Variants in UACA observed in about 807,000 individuals in gnomAD.
UACA encodes the protein nuclear membrane binding protein.
In UACA, 112 loss-of-function variants were observed where a neutral mutation model predicts 160.5. The ratio of observed to expected loss-of-function variants is 0.70; its 90% CI spans 0.60 to 0.82. UACA has a LOEUF of 0.82. Ranked by LOEUF, UACA falls within the 40% of genes least tolerant of loss-of-function variation. The pLI is 0.00. For missense variants in UACA, 1,574 were observed against 1,614.6 expected, an observed-to-expected ratio of 0.97 and a Z score of 0.43; for synonymous variants, 557 against 568.4, an observed-to-expected ratio of 0.98 and a Z score of 0.29.
intron 18 of UACA, 113 bp downstream of exon 18, chr15:70,660,038 C>T (rs1896647200): frequency 1.3e-6 from 1 of 786,828 alleles, no homozygotes; most frequent in Non-Finnish European, 2.0e-6. Context: ...TTTAAATAAG[C>T]ATAGGGGGTG....
intron 18 of UACA, among the ~76,000 whole-genome samples, chr15:70,659,909 T>C (rs1896642102): frequency 6.6e-6 from 1 of 152,088 alleles, no homozygotes; most frequent in Non-Finnish European, 1.5e-5. Context: ...CCAAACTGTC[T>C]ATAAACTGAG....
At position 70,694,920 on chromosome 15, in the gene UACA, C is replaced by T. The variant is rs1898073540; in HGVS notation, c.301+97G>A. 6.0e-6 allele frequency: 6 copies of T among 992,010 alleles called. No homozygotes were observed. The African/African-American group carries it at 8.1e-5, about 13-fold the overall frequency. 61.5% of individuals were successfully genotyped at this position (992,010 alleles called of 1,614,324 possible). On this transcript the variant is annotated intron_variant, in intron 3 of 18. Coordinates refer to ENST00000322954, the MANE Select transcript of UACA (RefSeq NM_018003.4). Reference sequence around the variant, plus strand: ...TAAAAACAGAAAATTGAGGACATCTCTCTTTATATCACATTTAGGTCTGAA... The same window carrying T: ...TAAAAACAGAAAATTGAGGACATCTTTCTTTATATCACATTTAGGTCTGAA...
At chr15:70,705,543 AT>A (rs1430639999) in intron 1 of UACA, among the ~76,000 whole-genome samples, 1 of 152,168 alleles carries the variant, frequency 6.6e-6, no homozygotes, top group Non-Finnish European at 1.5e-5. Flanking sequence ...TCTCAAAAAA[AT>A]AAAATAAAAT....
chr15:70,676,879 T>C (rs1191546971), intron 12 of UACA, among the ~76,000 whole-genome samples: 2 of 152,186 alleles, frequency 1.3e-5, no homozygotes, highest in Non-Finnish European at 2.9e-5. Flanking sequence ...CAGGACAAGT[T>C]TCACAGAAAG....
rs2140869394 is a variant in UACA at position 70,654,725 on chromosome 15, TTC to T, written c.*2329_*2330del. 1 of 152,284 alleles carries T rather than the reference TTC, an allele frequency of 6.6e-6. No homozygotes were observed. The highest frequency in any genetic ancestry group is 1.9e-4 in the East Asian group (1 of 5,192). 9.4% of individuals were successfully genotyped at this position (152,284 alleles called of 1,614,324 possible). On this transcript the variant is annotated 3_prime_UTR_variant, in exon 19 of 19. Coordinates refer to ENST00000322954, the MANE Select transcript of UACA (RefSeq NM_018003.4). ...TTGCACTCCAATAGGAATTGAGTGA[TTC>T]TCTCAGAGAGCACTCATTACATCTT...
At chr15:70,677,277 ACAATT>A in intron 11 of UACA, 137 bp from the exon 12 acceptor site, 1 of 597,154 alleles carries the variant, frequency 1.7e-6, no homozygotes, top group South Asian at 2.4e-5. Context: ...AAAATTATGT[ACAATT>A]CTGTTGTATG....
intron 2 of UACA, 63 bp downstream of exon 2, chr15:70,699,464 C>A: frequency 6.5e-7 from 1 of 1,542,598 alleles, no homozygotes. Flanking sequence ...TCACAAGTTT[C>A]ATTTGTATCC....
In UACA at chr15:70,657,637, A is replaced by G. The variant is rs144057242; in HGVS notation, c.4180-510T>C. Among the ~76,000 whole-genome samples the G allele has an allele frequency of 5.0e-4, 76 of 152,166 alleles. 2 individuals are homozygous for G. The East Asian group carries it at 0.014, about 28-fold the overall frequency. ...GTGCACAACAGCTGCTCTAACTTCC[A>G]TTACCAGAAAACAAATGGATAAACC... On this transcript the variant is annotated intron_variant, in intron 18 of 18. Transcript: ENST00000322954.
Position 70,763,454 on chromosome 15 carries a change from T to C in UACA, c.-47A>G. 2 of 1,279,714 alleles carry C rather than the reference T, an allele frequency of 1.6e-6. No homozygotes were observed. Among genetic ancestry groups the C allele is most frequent in the Non-Finnish European group, 2.0e-6 (2 of 1,004,252 alleles). The allele number at this position is 1,279,714 out of a possible 1,614,324, so 79.3% of individuals were successfully genotyped here. On this transcript the variant is annotated 5_prime_UTR_variant, in exon 1 of 19. Coordinates refer to ENST00000322954, the MANE Select transcript of UACA (RefSeq NM_018003.4). ...CGCGCGAACCTTAAAGGCTGCGGAG[T>C]GCCAGCGCGCAAGGAGTAGACGGCA...
At chr15:70,715,474 GACTCTTCAAGT>G (rs1420699025) in intron 1 of UACA, among the ~76,000 whole-genome samples, 1 of 152,106 alleles carries the variant, frequency 6.6e-6, no homozygotes, top group African/African-American at 2.4e-5. Flanking sequence ...CAACTCAAAA[GACTCTTCAAGT>G]ACTAAACTGA....
intron 1 of UACA, among the ~76,000 whole-genome samples, chr15:70,743,960 G>A (rs1251544223): frequency 6.6e-6 from 1 of 151,990 alleles, no homozygotes; most frequent in African/African-American, 2.4e-5. Flanking sequence ...CAAAAACTAG[G>A]ACGGCAGGGC....
At chr15:70,657,271 A>C (rs1037652439) in intron 18 of UACA, 144 bp from the exon 19 acceptor site, 3 of 698,614 alleles carry the variant, frequency 4.3e-6, no homozygotes, top group Non-Finnish European at 7.4e-6. Context: ...TAAAGGAATT[A>C]CTGGAAAAGG....
At chr15:70,750,417 A>ATCC in intron 1 of UACA, among the ~76,000 whole-genome samples, 1 of 152,008 alleles carries the variant, frequency 6.6e-6, no homozygotes, top group South Asian at 2.1e-4. Context: ...TTGTTCTAGG[A>ATCC]TCCTCCCTTG....
chr15:70,708,715 C>G (rs1388835920), intron 1 of UACA, among the ~76,000 whole-genome samples: 1 of 152,182 alleles, frequency 6.6e-6, no homozygotes, highest in African/African-American at 2.4e-5. Context: ...AAGTGATCTG[C>G]CCACGTCGGC....
At chr15:70,754,500 TA>T (rs766652085) in intron 1 of UACA, among the ~76,000 whole-genome samples, 8 of 152,144 alleles carry the variant, frequency 5.3e-5, no homozygotes, top group Admixed American at 1.3e-4. Flanking sequence ...TTGTGTAGGT[TA>T]GGTGTCTTAA....
At chr15:70,728,490 G>A (rs1271489062) in intron 1 of UACA, among the ~76,000 whole-genome samples, 6 of 151,188 alleles carry the variant, frequency 4.0e-5, no homozygotes, top group Non-Finnish European at 7.4e-5. Context: ...TTGAACCCAG[G>A]AGGCGGAGGT....
chr15:70,700,301 G>GTATATA (rs142277997), intron 1 of UACA, among the ~76,000 whole-genome samples: 3 of 129,872 alleles, frequency 2.3e-5, no homozygotes, highest in South Asian at 2.3e-4. Context: ...GAGGCAAATT[G>GTATATA]TATATATATA....
At chr15:70,769,389 G>A in the UACA span, among the ~76,000 whole-genome samples, 452 of 150,718 alleles carry the variant, frequency 3.0e-3, 2 homozygotes, top group African/African-American at 0.01. Flanking sequence ...ATGTACTTGG[G>A]AAATGACCCG....
intron 1 of UACA, among the ~76,000 whole-genome samples, chr15:70,742,419 A>C (rs991850292): frequency 1.3e-5 from 2 of 152,246 alleles, no homozygotes; most frequent in Non-Finnish European, 2.9e-5. Context: ...TCTTACTGAC[A>C]TATTTAGTAA....
Sources: allele counts gnomAD v4.1 joint callset (sites outside exome capture counted in the v4.1 genomes callset), GRCh38; gene constraint gnomAD v4.1.1; transcripts MANE v1.5; gene names NCBI Gene and HGNC (gene_info 2026-07-23, HGNC 2026-07-21).